The following ABCC6 variants were observed in gnomAD, a reference collection of about 807,000 sequenced individuals.
ABCC6 encodes the protein ATP binding cassette subfamily C member 6.
Under a neutral mutation model 169.5 loss-of-function variants are expected in ABCC6, and 126 were observed. The observed-to-expected ratio is 0.74, with a 90% confidence interval of 0.64 to 0.86. The LOEUF (loss-of-function observed/expected upper bound fraction) is 0.86. ABCC6 is among the 40% of genes least tolerant of loss of function. The pLI is 0.00. For missense variants in ABCC6, 1,733 were observed against 1,927.2 expected, an observed-to-expected ratio of 0.90 and a Z score of 1.89; for synonymous variants, 752 against 814.7, an observed-to-expected ratio of 0.92 and a Z score of 1.31.
intron 25 of ABCC6, among the ~76,000 whole-genome samples, chr16:16,160,628 CAA>C (rs34511090): frequency 0.16 from 12,296 of 75,524 alleles, 687 homozygotes; most frequent in South Asian, 0.3. Flanking sequence ...CTGTTTCTAC[CAA>C]AAAAAAAAAA....
rs1462139640 is a variant in ABCC6 at position 16,190,382 on chromosome 16, A to T, written c.1432-15T>A. ...ATTTGCTCCTCCTGGGATCGGAGGG[A>T]AAAAGAGAGATGAAGACAGGGACAG... is the stretch of plus-strand genomic sequence containing the variant. On this transcript the variant is annotated splice_polypyrimidine_tract_variant and intron_variant, in intron 11 of 30. Transcript: ENST00000205557. The T allele has an allele frequency of 3.1e-6, 5 of 1,613,448 alleles. No individual in the cohort carries two copies. The highest frequency in any genetic ancestry group is 3.4e-6 in the Non-Finnish European group (4 of 1,179,654).
chr16:16,155,693 A>G (rs1056115184), intron 27 of ABCC6: 12 of 153,458 alleles, frequency 7.8e-5, no homozygotes, highest in African/African-American at 2.7e-4. Context: ...CTCTCTTGCT[A>G]CTATTGCATC....
At position 16,169,848 on chromosome 16, in the gene ABCC6, C is replaced by G. The variant is rs906122272; in HGVS notation, c.2793G>C (p.Lys931Asn). 4 of 1,553,052 alleles carry G rather than the reference C, an allele frequency of 2.6e-6. No individual in the cohort carries two copies. The Admixed American group carries it at 5.9e-5, about 23-fold the overall frequency. ...GCAGGTAGGCCAGGTGCACTGTGGC[C>G]TTCACCTGTAGCACACATGAGGGAG... ...GKDSIQYGRV[K>N]ATVHLAYLRA... Residue 931 changes from lysine to asparagine, a missense_variant, in exon 22 of 31, where the codon AAG becomes AAC. Physicochemically the swap from Lys to Asn is moderately conservative, Grantham distance 94. Coordinates refer to ENST00000205557, the MANE Select transcript of ABCC6 (RefSeq NM_001171.6).
At chr16:16,172,988 G>T in intron 21 of ABCC6, 1 of 450,802 alleles carries the variant, frequency 2.2e-6, no homozygotes. Flanking sequence ...GCTGCAGTGA[G>T]CTATGATTAC....
intron 13 of ABCC6, among the ~76,000 whole-genome samples, chr16:16,187,902 ATAAAT>A (rs201166576): frequency 3.7e-5 from 3 of 81,608 alleles, no homozygotes; most frequent in Non-Finnish European, 5.6e-5. Flanking sequence ...GTCTCAATAA[ATAAAT>A]TAAATAAATA....
intron 9 of ABCC6, 63 bp downstream of exon 9, chr16:16,201,938 T>C (rs2048247924): frequency 1.2e-6 from 2 of 1,601,880 alleles, no homozygotes; most frequent in Non-Finnish European, 1.7e-6. Flanking sequence ...ATAACATTAC[T>C]GCCCGCTCAG....
Position 16,202,130 on chromosome 16 carries a change from G to A in ABCC6, c.1047C>T (p.Gly349=). 6.2e-7 allele frequency: 1 copy of A among 1,613,932 alleles called. No homozygotes were observed. Residue 349 remains glycine (G), a synonymous_variant, in exon 9 of 31, where the codon GGC becomes GGT. Coordinates refer to ENST00000205557, the MANE Select transcript of ABCC6 (RefSeq NM_001171.6). The stretch of plus-strand genomic sequence containing the variant: ...GGAACATCAGCACGGCGAGGAGGTA[G>A]CCCTTCCAGGCTGGAGGCTTGGGAT... The part of the protein sequence containing the change: ...IGDPKPPAWK[G]YLLAVLMFLS...
At chr16:16,197,957 GAGGAGGGGGAGA>G in intron 10 of ABCC6, 52 bp downstream of exon 10, 1 of 1,496,008 alleles carries the variant, frequency 6.7e-7, no homozygotes. Flanking sequence ...GAGGGGGAAG[GAGGAGGGGGAGA>G]AGGAGGGGGT....
At position 16,158,440 on chromosome 16, in the gene ABCC6, T is replaced by TC. The variant is rs2046617441; in HGVS notation, c.3736-632_3736-631insG. Among the ~76,000 whole-genome samples the TC allele has an allele frequency of 7.5e-5, 11 of 147,092 alleles. No individual in the cohort carries two copies. In the South Asian group the frequency reaches 2.5e-3, roughly 33 times the overall value. On this transcript the variant is annotated intron_variant, in intron 26 of 30. Transcript: ENST00000205557. The stretch of plus-strand genomic sequence containing the variant: ...CCCATCCCACCCATCCATCCATCCA[T>TC]GCATCCATCCATCCATCTCCAATCC...
intron 29 of ABCC6, among the ~76,000 whole-genome samples, chr16:16,152,734 T>G (rs906072987): frequency 2.8e-3 from 64 of 22,742 alleles, no homozygotes; most frequent in South Asian, 5.3e-3. Flanking sequence ...GGGGTGGGGG[T>G]GTGGGGTGGG....
At chr16:16,220,836 G>T (rs1440214326) in intron 2 of ABCC6, among the ~76,000 whole-genome samples, 2 of 151,526 alleles carry the variant, frequency 1.3e-5, no homozygotes, top group Non-Finnish European at 2.9e-5. Flanking sequence ...GGCGGAGGTT[G>T]CAGTGAGCCG....
chr16:16,153,151 C>T (rs1391473938), intron 29 of ABCC6, among the ~76,000 whole-genome samples: 2 of 152,112 alleles, frequency 1.3e-5, no homozygotes, highest in East Asian at 1.9e-4. Flanking sequence ...GTGATCCACC[C>T]GCCTCGGCCT....
chr16:16,159,452 G>T, intron 26 of ABCC6, 30 bp downstream of exon 26: 1 of 1,602,178 alleles, frequency 6.2e-7, no homozygotes, highest in Non-Finnish European at 8.5e-7. Context: ...TGTCCTTGCT[G>T]GGACCCCCTC....
chr16:16,181,185 G>A (rs2047456680), intron 17 of ABCC6, among the ~76,000 whole-genome samples: 1 of 151,926 alleles, frequency 6.6e-6, no homozygotes, highest in Admixed American at 6.6e-5. Flanking sequence ...GTACATGGCT[G>A]TAATTCTAGC....
chr16:16,182,968 G>A lies in ABCC6; in HGVS notation c.1944-38C>T, dbSNP rs762992643. ...GAGGGGAGACATGACCTTGGTTAGGGTTCAGCCCGCCTCTGTGAGGAAGGA... is the reference window on the plus strand; with the variant it reads ...GAGGGGAGACATGACCTTGGTTAGGATTCAGCCCGCCTCTGTGAGGAAGGA... On this transcript the variant is annotated intron_variant, in intron 15 of 30. Transcript: ENST00000205557. 2.5e-5 allele frequency: 40 copies of A among 1,613,944 alleles called. 1 individual carries two copies. The highest frequency in any genetic ancestry group is 1.6e-4 in the Middle Eastern group (1 of 6,084).
intron 18 of ABCC6, 81 bp downstream of exon 18, chr16:16,178,717 G>C: frequency 1.3e-6 from 2 of 1,531,544 alleles, no homozygotes; most frequent in Non-Finnish European, 9.0e-7. Flanking sequence ...GGGGAGGTGA[G>C]ATAAACTTGG....
intron 14 of ABCC6, among the ~76,000 whole-genome samples, chr16:16,186,222 A>T (rs2047650919): frequency 6.6e-6 from 1 of 152,154 alleles, no homozygotes; most frequent in South Asian, 2.1e-4. Flanking sequence ...AAGCCCAGGT[A>T]ACTTGAGCTT....
intron 29 of ABCC6, among the ~76,000 whole-genome samples, chr16:16,151,704 CATA>C (rs1478939162): frequency 1.3e-5 from 2 of 152,180 alleles, no homozygotes. Flanking sequence ...ACTCAATCCT[CATA>C]ATGTCCACCA....
chr16:16,208,530 C>T (rs990138543), intron 7 of ABCC6, among the ~76,000 whole-genome samples, 198 bp downstream of exon 7: 6 of 152,046 alleles, frequency 3.9e-5, no homozygotes, highest in Admixed American at 1.3e-4. Context: ...CCTACCACCA[C>T]GCCCAGCTAA....
Sources: gnomAD v4.1 joint callset for allele counts (sites outside exome capture counted in the v4.1 genomes callset) on GRCh38, gnomAD v4.1.1 for gene constraint, MANE v1.5 for transcripts, NCBI Gene and HGNC (gene_info 2026-07-23, HGNC 2026-07-21) for gene names.